DRC8: variants seen among roughly 807,000 people sequenced by gnomAD.
The protein encoded by DRC8 is dynein regulatory complex subunit 8.
chr1:245,082,305 A>G, the DRC8 span: 15 of 648,200 alleles, frequency 2.3e-5, no homozygotes, highest in Middle Eastern at 4.2e-4. Context: ...CTTTCAAGCT[A>G]CTTCTGAACT....
chr1:245,088,480 CTG>C, the DRC8 span, among the ~76,000 whole-genome samples: 2 of 152,234 alleles, frequency 1.3e-5, no homozygotes, highest in Non-Finnish European at 2.9e-5. This position sits in a 1 kb window ranked among gnomAD's most constrained non-coding sequence, Gnocchi z 4.6. Context: ...ACCCAAGAGA[CTG>C]TCGCTGTTCA....
chr1:245,078,176 A>G, the DRC8 span, among the ~76,000 whole-genome samples: 3 of 152,220 alleles, frequency 2.0e-5, no homozygotes, highest in African/African-American at 7.2e-5. Context: ...AATGGCTACT[A>G]TCAAAAAGAC....
the DRC8 span, among the ~76,000 whole-genome samples, chr1:245,023,274 G>A: frequency 6.6e-6 from 1 of 152,134 alleles, no homozygotes; most frequent in Non-Finnish European, 1.5e-5. Flanking sequence ...ATCCATCTGT[G>A]TATTGATGGA....
At chr1:245,079,204 A>T in the DRC8 span, among the ~76,000 whole-genome samples, 1 of 152,190 alleles carries the variant, frequency 6.6e-6, no homozygotes, top group Non-Finnish European at 1.5e-5. Flanking sequence ...CTCAAGAACA[A>T]ATTGGATACG....
chr1:245,040,765 G>A, the DRC8 span, among the ~76,000 whole-genome samples: 1 of 152,102 alleles, frequency 6.6e-6, no homozygotes, highest in Non-Finnish European at 1.5e-5. Context: ...AACATAGTGA[G>A]GCCCTGTCTA....
At chr1:245,069,878 C>T in the DRC8 span, among the ~76,000 whole-genome samples, 1 of 151,706 alleles carries the variant, frequency 6.6e-6, no homozygotes, top group African/African-American at 2.4e-5. Context: ...CCTGTCTCTA[C>T]AAAAAAATTT....
the DRC8 span, among the ~76,000 whole-genome samples, chr1:245,064,618 T>G: frequency 6.6e-6 from 1 of 151,892 alleles, no homozygotes; most frequent in African/African-American, 2.4e-5. Flanking sequence ...GGGTAAAATT[T>G]TTGAGATTTG....
chr1:245,079,229 G>C, the DRC8 span, among the ~76,000 whole-genome samples: 2 of 152,152 alleles, frequency 1.3e-5, no homozygotes, highest in African/African-American at 4.8e-5. Context: ...CTAGAGGACA[G>C]TGTTGGGTCA....
At chr1:245,045,796 A>G in the DRC8 span, among the ~76,000 whole-genome samples, 5,271 of 150,652 alleles carry the variant, frequency 0.035, 327 homozygotes, top group African/African-American at 0.12. Context: ...GTGGACAGCA[A>G]CCATTCAGAG....
chr1:244,996,559 AG>A, the DRC8 span, among the ~76,000 whole-genome samples: 1 of 152,156 alleles, frequency 6.6e-6, no homozygotes, highest in Non-Finnish European at 1.5e-5. Context: ...GCATTGTGTT[AG>A]ACTGTCACAT....
At chr1:245,007,326 C>T in the DRC8 span, among the ~76,000 whole-genome samples, 1 of 152,004 alleles carries the variant, frequency 6.6e-6, no homozygotes, top group South Asian at 2.1e-4. Context: ...AAATGCAGTA[C>T]ATAATCTTTG....
chr1:245,063,189 G>A, the DRC8 span, among the ~76,000 whole-genome samples: 1 of 151,972 alleles, frequency 6.6e-6, no homozygotes, highest in South Asian at 2.1e-4. Flanking sequence ...GTTTGGTGTC[G>A]CTTGTTCCAG....
chr1:245,056,207 A>G, the DRC8 span, among the ~76,000 whole-genome samples: 1 of 152,190 alleles, frequency 6.6e-6, no homozygotes. Context: ...GTATCCTGTT[A>G]ATACTGTACC....
the DRC8 span, chr1:244,970,238 C>G: frequency 1.4e-6 from 1 of 702,984 alleles, no homozygotes; most frequent in Non-Finnish European, 2.5e-6. Flanking sequence ...TGGCGCGAAA[C>G]GGGGACAGGG....
the DRC8 span, among the ~76,000 whole-genome samples, chr1:244,984,410 A>G: frequency 6.6e-6 from 1 of 152,240 alleles, no homozygotes; most frequent in East Asian, 1.9e-4. Context: ...CCCTGGATTT[A>G]GAAAATGTGT....
the DRC8 span, among the ~76,000 whole-genome samples, chr1:245,060,959 A>G: frequency 1.3e-5 from 2 of 152,376 alleles, no homozygotes; most frequent in African/African-American, 4.8e-5. Context: ...CCTGACTACA[A>G]GGGCAGAGTT....
chr1:245,101,041 C>T, the DRC8 span, among the ~76,000 whole-genome samples: 36 of 152,134 alleles, frequency 2.4e-4, no homozygotes, highest in Middle Eastern at 3.4e-3. Context: ...CCCACCACCA[C>T]GCCCGACTAA....
chr1:245,034,349 C>T, the DRC8 span, among the ~76,000 whole-genome samples: 1 of 151,744 alleles, frequency 6.6e-6, no homozygotes, highest in African/African-American at 2.4e-5. Flanking sequence ...GCCTGTAATC[C>T]CAGCATTTTG....
At chr1:245,110,651 A>G in the DRC8 span, among the ~76,000 whole-genome samples, 2 of 152,280 alleles carry the variant, frequency 1.3e-5, no homozygotes, top group Non-Finnish European at 2.9e-5. Flanking sequence ...GGAGGAGCCT[A>G]TTGTTTCTTC....
Sources: gnomAD v4.1 joint callset for allele counts (sites outside exome capture counted in the v4.1 genomes callset) on GRCh38, gnomAD v4.1.1 for gene constraint, Gnocchi (gnomAD v3.1) non-coding constraint, MANE v1.5 for transcripts, NCBI Gene and HGNC (gene_info 2026-07-23, HGNC 2026-07-21) for gene names.